KAZN: variants seen among roughly 807,000 people sequenced by gnomAD.
KAZN encodes the protein kazrin, periplakin interacting protein, also known as kazrin.
Under a neutral mutation model 87.4 loss-of-function variants are expected in KAZN, and 40 were observed. The ratio of observed to expected loss-of-function variants is 0.46; its 90% CI spans 0.36 to 0.60. The LOEUF is 0.60. Among genes scored for constraint, KAZN ranks in the 20% least tolerant of loss-of-function variants. The pLI, the probability that KAZN is intolerant of heterozygous loss-of-function variation, is 0.00. For missense variants in KAZN, 898 were observed against 1,073.9 expected, an observed-to-expected ratio of 0.84 and a Z score of 2.29; for synonymous variants, 466 against 458.3, an observed-to-expected ratio of 1.02 and a Z score of -0.22.
chr1:14,766,828 C>A (rs1319192484), intron 1 of KAZN, among the ~76,000 whole-genome samples: 1 of 151,660 alleles, frequency 6.6e-6, no homozygotes, highest in Non-Finnish European at 1.5e-5. Flanking sequence ...ACTGGGAGGA[C>A]TCTATGAGAT....
At chr1:14,263,080 G>A (rs1363483648) in intron 2 of KAZN, among the ~76,000 whole-genome samples, 2 of 152,104 alleles carry the variant, frequency 1.3e-5, no homozygotes, top group Non-Finnish European at 2.9e-5. Flanking sequence ...CTTTTACTAT[G>A]TTACTCTGAG....
intron 1 of KAZN, among the ~76,000 whole-genome samples, chr1:14,872,493 T>TTGTAAAC (rs1354902980): frequency 1.3e-5 from 2 of 152,226 alleles, no homozygotes; most frequent in Admixed American, 1.3e-4. Context: ...ACAGTTTGCT[T>TTGTAAAC]TGTAAACTGT....
chr1:13,932,728 C>A (rs1351430209), intron 1 of KAZN, among the ~76,000 whole-genome samples: 3 of 152,146 alleles, frequency 2.0e-5, no homozygotes, highest in Non-Finnish European at 2.9e-5. Context: ...TGGCTTGGGC[C>A]GGAGCTCACA....
At chr1:14,330,242 A>T (rs568851878) in intron 2 of KAZN, among the ~76,000 whole-genome samples, 15 of 152,310 alleles carry the variant, frequency 9.8e-5, no homozygotes, top group African/African-American at 3.4e-4. Context: ...AATCCATCTT[A>T]CTGTGGAAGA....
At chr1:13,943,919 A>G (rs143442048) in intron 1 of KAZN, among the ~76,000 whole-genome samples, 70 of 152,364 alleles carry the variant, frequency 4.6e-4, no homozygotes, top group African/African-American at 1.6e-3. Flanking sequence ...GGAACCTTCC[A>G]GTATTTCTGG....
chr1:14,418,879 AAAT>A (rs1382376530), intron 2 of KAZN, among the ~76,000 whole-genome samples: 2 of 152,186 alleles, frequency 1.3e-5, no homozygotes, highest in Non-Finnish European at 2.9e-5. Flanking sequence ...GTGCAAATGA[AAAT>A]AAGGCTTCTG....
chr1:14,419,513 CCT>C (rs766755014), intron 2 of KAZN, among the ~76,000 whole-genome samples: 16 of 152,196 alleles, frequency 1.1e-4, no homozygotes, highest in Non-Finnish European at 1.5e-4. Flanking sequence ...AGGCCAGTTC[CCT>C]CTGTGTGGGG....
chr1:14,566,403 G>A (rs2148536931), intron 2 of KAZN, among the ~76,000 whole-genome samples: 1 of 152,248 alleles, frequency 6.6e-6, no homozygotes, highest in South Asian at 2.1e-4. Flanking sequence ...CATTTATAGA[G>A]CACAGATGAG....
At chr1:14,811,202 C>G (rs1043281220) in intron 1 of KAZN, among the ~76,000 whole-genome samples, 2 of 152,284 alleles carry the variant, frequency 1.3e-5, no homozygotes, top group African/African-American at 4.8e-5. Context: ...TCTTCCCCAC[C>G]CTGTCCCCTC....
At chr1:13,913,936 A>G (rs542115400) in intron 1 of KAZN, among the ~76,000 whole-genome samples, 2 of 152,276 alleles carry the variant, frequency 1.3e-5, no homozygotes, top group South Asian at 4.1e-4. Context: ...GACCAGCATC[A>G]CCTGGGAACT....
intron 2 of KAZN, among the ~76,000 whole-genome samples, chr1:14,245,450 T>C (rs1649411019): frequency 6.6e-6 from 1 of 152,174 alleles, no homozygotes; most frequent in Non-Finnish European, 1.5e-5. Context: ...GCTCGTATTA[T>C]TCCCTTGCAT....
At chr1:14,908,257 T>G (rs1656835157) in intron 1 of KAZN, among the ~76,000 whole-genome samples, 1 of 150,588 alleles carries the variant, frequency 6.6e-6, no homozygotes, top group Non-Finnish European at 1.5e-5. Context: ...ATAAGAAAAA[T>G]TGGCTGGGCA....
chr1:14,481,908 G>T (rs1450917973), intron 2 of KAZN, among the ~76,000 whole-genome samples: 1 of 152,202 alleles, frequency 6.6e-6, no homozygotes, highest in Non-Finnish European at 1.5e-5. Flanking sequence ...AACCATGCAG[G>T]CCCAGTGGTA....
intron 2 of KAZN, among the ~76,000 whole-genome samples, chr1:15,015,863 C>G (rs10754877): frequency 0.94 from 142,336 of 152,196 alleles, 66,612 homozygotes; most frequent in East Asian, 1. Context: ...GCCTACCTGT[C>G]TCCACCTGTC....
At chr1:14,036,251 T>G (rs1452138562) in intron 1 of KAZN, among the ~76,000 whole-genome samples, 1 of 152,162 alleles carries the variant, frequency 6.6e-6, no homozygotes, top group Non-Finnish European at 1.5e-5. Context: ...TCAGCAGTTT[T>G]GGGTGGGAGG....
intron 1 of KAZN, among the ~76,000 whole-genome samples, chr1:14,660,204 G>A (rs1639062938): frequency 6.6e-6 from 1 of 152,188 alleles, no homozygotes; most frequent in Admixed American, 6.5e-5. Context: ...GAACACAGAT[G>A]CCTCGATCTC....
chr1:14,561,683 C>T (rs769909358), intron 2 of KAZN, among the ~76,000 whole-genome samples: 3 of 152,130 alleles, frequency 2.0e-5, no homozygotes, highest in African/African-American at 7.2e-5. Flanking sequence ...GCAGGTGGAT[C>T]ACCTGAGGTC....
intron 1 of KAZN, among the ~76,000 whole-genome samples, chr1:14,044,011 G>T (rs1448045765): frequency 1.3e-5 from 2 of 152,176 alleles, no homozygotes; most frequent in Admixed American, 1.3e-4. Context: ...AGTTGGACCA[G>T]ATGGTGGCTA....
At chr1:13,908,967 G>A (rs1249474896) in intron 1 of KAZN, among the ~76,000 whole-genome samples, 2 of 152,180 alleles carry the variant, frequency 1.3e-5, no homozygotes, top group Non-Finnish European at 2.9e-5. Flanking sequence ...TTTTGTTTTC[G>A]CAAAGCAGCA....
Sources: gnomAD v4.1 joint callset for allele counts (sites outside exome capture counted in the v4.1 genomes callset) on GRCh38, gnomAD v4.1.1 for gene constraint, MANE v1.5 for transcripts, NCBI Gene and HGNC (gene_info 2026-07-23, HGNC 2026-07-21) for gene names.